Variants in SLCO4A1 observed in about 807,000 individuals in gnomAD.
SLCO4A1 encodes colon organic anion transporter.
Under a neutral mutation model 64.6 loss-of-function variants are expected in SLCO4A1, and 51 were observed. The ratio of observed to expected loss-of-function variants is 0.79; its 90% confidence interval spans 0.63 to 1.00. SLCO4A1 has a LOEUF of 1.00. Among genes scored for constraint, SLCO4A1 ranks in the 50% least tolerant of loss-of-function variants. SLCO4A1 has a pLI of 0.00. For synonymous variants in SLCO4A1, 471 were observed against 444.9 expected, an observed-to-expected ratio of 1.06 and a Z score of -0.74; for missense variants, 919 against 980.5, an observed-to-expected ratio of 0.94 and a Z score of 0.84.
intron 2 of SLCO4A1, among the ~76,000 whole-genome samples, chr20:62,677,863 C>T (rs1460217607): frequency 3.9e-5 from 6 of 152,242 alleles, no homozygotes; most frequent in African/African-American, 7.2e-5. Context: ...AGGCCGAGTC[C>T]GCCGTGATGG....
At chr20:62,660,985 G>A (rs997811178) in intron 4 of SLCO4A1, 79 bp from the exon 5 acceptor site, 20 of 981,438 alleles carry the variant, frequency 2.0e-5, no homozygotes, top group Admixed American at 4.1e-5. Flanking sequence ...GCAGAGGAGT[G>A]GGGGCAGAGC....
At chr20:62,660,635 G>A (rs923461651) in intron 4 of SLCO4A1, 102 bp downstream of exon 4, 2 of 1,363,754 alleles carry the variant, frequency 1.5e-6, no homozygotes, top group South Asian at 2.4e-5. Context: ...TCCCCGCCAT[G>A]ATCAAGTCTG....
rs77399963 is a variant in SLCO4A1 at position 62,683,258 on chromosome 20, C to T, written n.212-2183C>T. 2.0e-4 allele frequency among the ~76,000 whole-genome samples: 30 copies of T among 152,284 alleles called. No homozygotes were observed. The East Asian group carries it at 5.2e-3, about 26-fold the overall frequency. The stretch of plus-strand genomic sequence containing the variant: ...CATAACTTGATCATTTATTCCAAGT[C>T]GTGTTGGGCTTGGACCTCGGGCTCT... On this transcript the variant is annotated intron_variant and non_coding_transcript_variant, in intron 2 of 2. Transcript: ENST00000466818.
downstream of SLCO4A1, among the ~76,000 whole-genome samples, chr20:62,687,430 G>T (rs919322696): frequency 3.9e-5 from 6 of 152,258 alleles, no homozygotes; most frequent in African/African-American, 1.4e-4. Flanking sequence ...AAGAAACCAC[G>T]CAGTGGCGTC....
At chr20:62,670,568 C>T (rs568424800) in intron 11 of SLCO4A1, among the ~76,000 whole-genome samples, 31 of 152,344 alleles carry the variant, frequency 2.0e-4, no homozygotes, top group South Asian at 6.2e-4. Context: ...CTTAGACTCA[C>T]GCGTCCACAG....
At chr20:62,677,396 G>A (rs1055034099) in intron 2 of SLCO4A1, among the ~76,000 whole-genome samples, 1 of 152,126 alleles carries the variant, frequency 6.6e-6, no homozygotes, top group Non-Finnish European at 1.5e-5. Flanking sequence ...TCTGTTGGGG[G>A]ATCTGTGTCT....
Position 62,666,620 on chromosome 20 carries a change from C to G in SLCO4A1, c.1472+45C>G. On this transcript the variant is annotated intron_variant, in intron 7 of 11. Transcript: ENST00000217159. ...TGGGTACGCGTCGGGGCCCCAAGCA[C>G]CCGCGGTCCCTGGGCATGGAGGAGG... The G allele has an allele frequency of 2.0e-6, 3 of 1,535,110 alleles. No individual in the cohort carries two copies. In the South Asian group the frequency reaches 3.4e-5, roughly 17 times the overall value.
intron 2 of SLCO4A1, among the ~76,000 whole-genome samples, chr20:62,678,291 T>G (rs6089836): frequency 0.18 from 27,763 of 152,186 alleles, 2,942 homozygotes; most frequent in Non-Finnish European, 0.24. Context: ...AAGTCAGGAC[T>G]TAACAGAATT....
At position 62,661,095 on chromosome 20, in the gene SLCO4A1, G is replaced by A. The variant is rs6011477; in HGVS notation, c.1041G>A (p.Ala347=). The change falls in exon 5 of 12, where the codon GCG becomes GCA. Residue 347 remains alanine, a synonymous_variant. Transcript: ENST00000217159. The surrounding 1 kb of genome is among the most constrained non-coding windows in gnomAD (Gnocchi z 5.2). Reference sequence around the variant, plus strand: ...AGCGCTACGCGGTCATGAGAGCGGCGGAAATGCACCAGTTGAAGGACAGCA... The same window carrying A: ...AGCGCTACGCGGTCATGAGAGCGGCAGAAATGCACCAGTTGAAGGACAGCA... ...GSQRYAVMRA[A]EMHQLKDSSR... 4,206 of 1,608,094 alleles carry A rather than the reference G, an allele frequency of 2.6e-3. 72 individuals carry two copies. In the African/African-American group the frequency reaches 0.043, roughly 17 times the overall value.
chr20:62,673,844 A>G (rs1987455064), downstream of SLCO4A1, among the ~76,000 whole-genome samples: 1 of 152,236 alleles, frequency 6.6e-6, no homozygotes, highest in South Asian at 2.1e-4. Flanking sequence ...TGGACCCACA[A>G]AGGCTTTGAC....
At chr20:62,690,308 G>C (rs1988186798), downstream of SLCO4A1, among the ~76,000 whole-genome samples, 1 of 152,160 alleles carries the variant, frequency 6.6e-6, no homozygotes, top group Non-Finnish European at 1.5e-5. Flanking sequence ...CCAGGGGAGT[G>C]GGGTTGACAG....
chr20:62,668,288 T>C, intron 9 of SLCO4A1, 104 bp downstream of exon 9: 1 of 1,392,280 alleles, frequency 7.2e-7, no homozygotes, highest in Non-Finnish European at 1.0e-6. Flanking sequence ...AACACCCAGG[T>C]CTAAGCGGGC....
At chr20:62,689,204 C>G (rs1010042672), downstream of SLCO4A1, among the ~76,000 whole-genome samples, 5 of 150,826 alleles carry the variant, frequency 3.3e-5, no homozygotes, top group African/African-American at 1.2e-4. Context: ...GCCTCATAGG[C>G]TTGTCCCTGG....
chr20:62,660,527 C>A lies in SLCO4A1; in HGVS notation c.1003C>A (p.Leu335Met), dbSNP rs757725949. The A allele has an allele frequency of 6.2e-7, 1 of 1,605,100 alleles. No homozygotes were observed. Among genetic ancestry groups the A allele is most frequent in the African/African-American group, 1.3e-5 (1 of 75,048 alleles). The change falls in exon 4 of 12, where the codon CTG becomes ATG. Residue 335 changes from leucine to methionine, a missense_variant. Leu to Met is a conservative substitution (Grantham distance 15). Coordinates refer to ENST00000217159, the MANE Select transcript of SLCO4A1 (RefSeq NM_016354.4). Reference protein sequence around the residue: ...AVPILGYPRQLPGSQRYAVMR... With the variant: ...AVPILGYPRQMPGSQRYAVMR... ...TCCCATCCTTGGTTACCCTCGGCAG[C>A]TGCCAGGTGGGTTTCCCTTCCCCAG...
rs371990446 is a variant in SLCO4A1, at chr20:62,667,754, C to T, written c.1482C>T (p.Pro494=). 61 of 1,607,872 alleles carry T rather than the reference C, an allele frequency of 3.8e-5. No individual in the cohort carries two copies. The highest frequency in any genetic ancestry group is 2.0e-4 in the Admixed American group (12 of 59,930). The change falls in exon 8 of 12, where the codon CCC becomes CCT. Residue 494 remains proline, a synonymous_variant. Transcript: ENST00000217159. The stretch of plus-strand genomic sequence containing the variant: ...TGTCCCCCCTCTGCAGCCTCCTGCC[C>T]GAAGGCCACCTGAACCTAACGGCTC... ...VTASYGGSLL[P]EGHLNLTAPC...
chr20:62,666,285 T>A (rs1986319152), intron 6 of SLCO4A1, 95 bp from the exon 7 acceptor site: 1 of 1,091,538 alleles, frequency 9.2e-7, no homozygotes, highest in South Asian at 1.4e-5. Context: ...TATGCCTCAG[T>A]TTCCCCACCT....
At chr20:62,669,624 T>C (rs1986958901) in intron 11 of SLCO4A1, among the ~76,000 whole-genome samples, 1 of 152,178 alleles carries the variant, frequency 6.6e-6, no homozygotes, top group Non-Finnish European at 1.5e-5. Context: ...GGAAACGCAG[T>C]ATTTGTGTTT....
intron 2 of SLCO4A1, among the ~76,000 whole-genome samples, chr20:62,684,457 C>T (rs1016616672): frequency 4.6e-5 from 7 of 152,250 alleles, no homozygotes; most frequent in Non-Finnish European, 7.3e-5. Flanking sequence ...CACCAGGCTA[C>T]GCTGCCTCTT....
intron 9 of SLCO4A1, 128 bp downstream of exon 9, chr20:62,668,312 G>T (rs766879643): frequency 7.8e-7 from 1 of 1,280,066 alleles, no homozygotes; most frequent in Non-Finnish European, 1.1e-6. Flanking sequence ...TCTGTCACTG[G>T]TGGCAGGAGA....
Sources: gnomAD v4.1 joint callset for allele counts (sites outside exome capture counted in the v4.1 genomes callset) on GRCh38, gnomAD v4.1.1 for gene constraint, Gnocchi (gnomAD v3.1) non-coding constraint, MANE v1.5 for transcripts, NCBI Gene and HGNC (gene_info 2026-07-23, HGNC 2026-07-21) for gene names.